Variants in FAM227B observed in about 807,000 individuals in gnomAD.
FAM227B encodes the protein protein FAM227B.
In FAM227B, 88 loss-of-function variants were observed where a neutral mutation model predicts 73.8. The ratio of observed to expected loss-of-function variants is 1.19; its 90% CI spans 1.00 to 1.42. FAM227B has a LOEUF of 1.42. Among genes scored for constraint, FAM227B ranks in the 40% most tolerant of loss-of-function variants. The pLI is 0.00. For synonymous variants in FAM227B, 210 were observed against 190.5 expected (o/e 1.10, Z -0.84); for missense variants, 632 against 590.9 (o/e 1.07, Z -0.72).
intron 9 of FAM227B, among the ~76,000 whole-genome samples, chr15:49,546,535 C>G (rs557082227): frequency 6.6e-6 from 1 of 152,210 alleles, no homozygotes; most frequent in Non-Finnish European, 1.5e-5. Context: ...AATCACCACA[C>G]TGACTTCCAC....
intron 11 of FAM227B, among the ~76,000 whole-genome samples, chr15:49,498,142 A>G (rs910358517): frequency 6.6e-6 from 1 of 152,224 alleles, no homozygotes; most frequent in Admixed American, 6.5e-5. Context: ...GATAATTTTA[A>G]GCCTTAATTT....
At chr15:49,531,065 A>G (rs1205944722) in intron 10 of FAM227B, among the ~76,000 whole-genome samples, 1 of 150,866 alleles carries the variant, frequency 6.6e-6, no homozygotes, top group Non-Finnish European at 1.5e-5. Context: ...CACAGGCCAC[A>G]GTGTTTAAGA....
rs1191356554 is a variant in FAM227B, at chr15:49,365,933, T to G, written c.1271+1515A>C. The G allele has an allele frequency of 1.6e-5, 15 of 959,454 alleles. No homozygotes were observed. In the Admixed American group the frequency reaches 2.5e-4, roughly 16 times the overall value. 59.4% of individuals were successfully genotyped at this position (959,454 alleles called of 1,614,324 possible). A position where few individuals can be genotyped will look rare whatever the true frequency, so the allele number is the denominator to read the frequency against. ...CTCATTGCTGATACTATGCAGAAAATTGCTATCATAACATAAACTAACCAT... is the reference window on the plus strand; with the variant it reads ...CTCATTGCTGATACTATGCAGAAAAGTGCTATCATAACATAAACTAACCAT... On this transcript the variant is annotated intron_variant, in intron 13 of 15. Transcript: ENST00000299338.
At chr15:49,598,264 T>C (rs2076995068) in intron 3 of FAM227B, among the ~76,000 whole-genome samples, 1 of 152,046 alleles carries the variant, frequency 6.6e-6, no homozygotes, top group African/African-American at 2.4e-5. Context: ...TCTTTAATAG[T>C]TAATTGCTAG....
At chr15:49,544,008 A>T (rs1056951822) in intron 9 of FAM227B, among the ~76,000 whole-genome samples, 1 of 151,740 alleles carries the variant, frequency 6.6e-6, no homozygotes, top group Non-Finnish European at 1.5e-5. Flanking sequence ...GAATTTTAGA[A>T]TTTTTTCTAG....
chr15:49,433,273 T>A (rs910405521), intron 11 of FAM227B, among the ~76,000 whole-genome samples: 12 of 151,652 alleles, frequency 7.9e-5, no homozygotes, highest in African/African-American at 2.2e-4. Context: ...ATTCTTTCTG[T>A]TTGCATTTGG....
chr15:49,559,315 C>G (rs1464420058), intron 9 of FAM227B, among the ~76,000 whole-genome samples: 1 of 152,100 alleles, frequency 6.6e-6, no homozygotes, highest in Non-Finnish European at 1.5e-5. Flanking sequence ...TGTGGGAAAG[C>G]AAGGGGCTCC....
chr15:49,484,792 T>C (rs1490727798), intron 11 of FAM227B: 1 of 236,936 alleles, frequency 4.2e-6, no homozygotes, highest in South Asian at 1.6e-4. Context: ...AATTTTTTTC[T>C]TAAATTAATT....
Position 49,351,633 on chromosome 15 carries a change from C to T in FAM227B, c.1271+15815G>A, listed in dbSNP as rs535916456. On this transcript the variant is annotated intron_variant, in intron 13 of 15. Coordinates refer to ENST00000299338, the MANE Select transcript of FAM227B (RefSeq NM_152647.3). The stretch of plus-strand genomic sequence containing the variant: ...AAGCGGACCTAAAGACAAAGATCAG[C>T]GTGTAGGAGGCTTATTTGAGTGCTC... 2.0e-3 allele frequency among the ~76,000 whole-genome samples: 311 copies of T among 152,236 alleles called. 2 individuals carry two copies. The highest frequency in any genetic ancestry group is 8.7e-3 in the South Asian group (42 of 4,824).
intron 11 of FAM227B, among the ~76,000 whole-genome samples, chr15:49,387,152 T>C (rs923255277): frequency 2.0e-5 from 3 of 151,726 alleles, no homozygotes; most frequent in Non-Finnish European, 4.4e-5. Flanking sequence ...ATGAAGCTAG[T>C]ATCATTCTGA....
At chr15:49,523,013 G>A (rs949947452) in intron 10 of FAM227B, among the ~76,000 whole-genome samples, 1 of 136,254 alleles carries the variant, frequency 7.3e-6, no homozygotes, top group Non-Finnish European at 1.6e-5. Context: ...TCTCCATACA[G>A]TACTCAGACT....
At chr15:49,361,161 T>C (rs1474273555) in intron 13 of FAM227B, among the ~76,000 whole-genome samples, 1 of 152,210 alleles carries the variant, frequency 6.6e-6, no homozygotes, top group East Asian at 1.9e-4. Context: ...CATCACTTTT[T>C]ACCCCATAAA....
intron 3 of FAM227B, among the ~76,000 whole-genome samples, chr15:49,605,966 C>T (rs375017953): frequency 1.7e-3 from 253 of 152,254 alleles, no homozygotes; most frequent in African/African-American, 5.8e-3. Flanking sequence ...CCTCTTGCTG[C>T]GGTCCACGGC....
chr15:49,460,945 T>A (rs1007192869), intron 11 of FAM227B, among the ~76,000 whole-genome samples: 8 of 152,210 alleles, frequency 5.3e-5, no homozygotes, highest in African/African-American at 1.9e-4. Flanking sequence ...CAAATTCCAC[T>A]ATGTCAAAGC....
intron 8 of FAM227B, among the ~76,000 whole-genome samples, chr15:49,570,867 T>A (rs2152360046): frequency 6.8e-6 from 1 of 147,514 alleles, no homozygotes; most frequent in East Asian, 1.9e-4. Context: ...ATATTAAATA[T>A]TACATATGCA....
At chr15:49,566,768 T>C (rs1314202729) in intron 9 of FAM227B, among the ~76,000 whole-genome samples, 1 of 152,216 alleles carries the variant, frequency 6.6e-6, no homozygotes, top group Non-Finnish European at 1.5e-5. Flanking sequence ...AATCATTAAG[T>C]ACATCTTGTC....
intron 11 of FAM227B, among the ~76,000 whole-genome samples, chr15:49,378,051 C>T (rs555264197): frequency 2.0e-5 from 3 of 152,058 alleles, no homozygotes; most frequent in East Asian, 1.9e-4. Flanking sequence ...CAAGAGATAG[C>T]GGTGTAGTTT....
At chr15:49,343,893 G>C (rs1213705749) in intron 13 of FAM227B, 1 of 152,150 alleles carries the variant, frequency 6.6e-6, no homozygotes, top group Admixed American at 6.6e-5. Context: ...ATGAACTACA[G>C]TTTTGCTGAT....
At position 49,328,147 on chromosome 15, in the gene FAM227B, G is replaced by C. The variant is rs1428646202; in HGVS notation, c.*421C>G. 6.2e-7 allele frequency: 1 copy of C among 1,613,590 alleles called. No individual in the cohort carries two copies. The highest frequency in any genetic ancestry group is 1.1e-5 in the South Asian group (1 of 91,022). The stretch of plus-strand genomic sequence containing the variant: ...AACCTGGAGGTGGGGCTTTGGTTTT[G>C]CTTGAGGCCTGAAAAAATGTAAAAA... On this transcript the variant is annotated 3_prime_UTR_variant, in exon 16 of 16. Transcript: ENST00000299338.
Sources: allele counts gnomAD v4.1 joint callset (sites outside exome capture counted in the v4.1 genomes callset), GRCh38; gene constraint gnomAD v4.1.1; transcripts MANE v1.5; gene names NCBI Gene and HGNC (gene_info 2026-07-23, HGNC 2026-07-21).